The following KLHL5 variants were observed in gnomAD, a reference collection of about 807,000 sequenced individuals.
KLHL5 encodes the protein kelch like family member 5.
A neutral mutation model predicts 77.7 loss-of-function variants in KLHL5; 48 were observed. That is an observed-to-expected ratio of 0.62 (90% CI 0.49 to 0.79). The LOEUF is 0.79. KLHL5 is among the 30% of genes least tolerant of loss of function. The pLI is 0.00. For missense variants in KLHL5, 723 were observed against 859.7 expected, an observed-to-expected ratio of 0.84 and a Z score of 1.99; for synonymous variants, 260 against 297.0, an observed-to-expected ratio of 0.88 and a Z score of 1.28.
rs1723187106 is a variant in KLHL5 at position 39,121,159 on chromosome 4, A to T, written c.*93A>T. Reference sequence around the variant, plus strand: ...ATGGATACATTTTTAGTAAATGTGCATTGTCACAATCCTGGGCACAAAGTG... The same window carrying T: ...ATGGATACATTTTTAGTAAATGTGCTTTGTCACAATCCTGGGCACAAAGTG... On this transcript the variant is annotated 3_prime_UTR_variant, in exon 11 of 11. Coordinates refer to ENST00000504108, the MANE Select transcript of KLHL5 (RefSeq NM_015990.5). The T allele has an allele frequency of 1.0e-6, 1 of 987,796 alleles. No homozygotes were observed. The highest frequency in any genetic ancestry group is 1.6e-6 in the Non-Finnish European group (1 of 629,034). The allele number at this position is 987,796 out of a possible 1,614,324, so 61.2% of individuals were successfully genotyped here. A position where few individuals can be genotyped will look rare whatever the true frequency, so the allele number is the denominator to read the frequency against.
At position 39,062,908 on chromosome 4, in the gene KLHL5, T is replaced by A; in HGVS notation, c.256T>A (p.Ser86Thr). The A allele has an allele frequency of 6.2e-7, 1 of 1,614,188 alleles. No individual in the cohort carries two copies. Among genetic ancestry groups the A allele is most frequent in the Non-Finnish European group, 8.5e-7 (1 of 1,180,012 alleles). The change falls in exon 1 of 11, where the codon TCC becomes ACC. Residue 86 changes from serine to threonine, a missense_variant. Ser to Thr is a moderately conservative substitution (Grantham distance 58, BLOSUM62 1). Around this residue, in one of 3 missense-constraint regions of KLHL5, gnomAD observed 221 missense variants for 222.1 expected, o/e 1.00. Coordinates refer to ENST00000504108, the MANE Select transcript of KLHL5 (RefSeq NM_015990.5). ...GAATTCACCTTCTTGGCCAATGGCATCCACCTCTGAAGTCCCTGCATTTGA... is the reference window on the plus strand; with the variant it reads ...GAATTCACCTTCTTGGCCAATGGCAACCACCTCTGAAGTCCCTGCATTTGA... ...FQNSPSWPMA[S>T]TSEVPAFEFT...
chr4:39,101,651 C>T (rs750700611), intron 6 of KLHL5, among the ~76,000 whole-genome samples: 1 of 151,802 alleles, frequency 6.6e-6, no homozygotes, highest in Non-Finnish European at 1.5e-5. Context: ...AGTTCGAGAC[C>T]AGCCTGGCCA....
intron 1 of KLHL5, among the ~76,000 whole-genome samples, chr4:39,056,490 A>G (rs779982929): frequency 6.6e-6 from 1 of 152,256 alleles, no homozygotes. Context: ...AAGATTTAAC[A>G]TGGTGCTAGA....
At chr4:39,057,818 A>T (rs1408110888), upstream of KLHL5, among the ~76,000 whole-genome samples, 1 of 152,122 alleles carries the variant, frequency 6.6e-6, no homozygotes, top group African/African-American at 2.4e-5. Context: ...TATCTAAAAA[A>T]CTCTATGTGA....
At chr4:39,069,196 T>C (rs765076736) in intron 1 of KLHL5, among the ~76,000 whole-genome samples, 29 of 152,056 alleles carry the variant, frequency 1.9e-4, no homozygotes, top group Non-Finnish European at 3.4e-4. Context: ...GTTGCACATA[T>C]CAGTTCTGCA....
At chr4:39,118,018 G>A (rs1404081134) in intron 10 of KLHL5, among the ~76,000 whole-genome samples, 2 of 149,092 alleles carry the variant, frequency 1.3e-5, no homozygotes, top group East Asian at 3.9e-4. Context: ...CCAAGATCGT[G>A]CCACTGCACT....
At chr4:39,060,136 C>G (rs936756716), upstream of KLHL5, among the ~76,000 whole-genome samples, 16 of 151,994 alleles carry the variant, frequency 1.1e-4, no homozygotes, top group Non-Finnish European at 2.1e-4. Context: ...ATTTATATTT[C>G]CATGTATATA....
At chr4:39,090,073 TGAAGTA>T (rs1044522667) in intron 5 of KLHL5, among the ~76,000 whole-genome samples, 58 of 152,338 alleles carry the variant, frequency 3.8e-4, no homozygotes, top group Admixed American at 1.5e-3. Flanking sequence ...AATAAAGTTT[TGAAGTA>T]GACACTAAAA....
intron 1 of KLHL5, among the ~76,000 whole-genome samples, chr4:39,073,600 A>T (rs1413874590): frequency 6.6e-6 from 1 of 151,926 alleles, no homozygotes; most frequent in Non-Finnish European, 1.5e-5. Context: ...ACAGTATAAA[A>T]CTTTATCAAA....
At chr4:39,055,858 G>A (rs567493009) in intron 1 of KLHL5, among the ~76,000 whole-genome samples, 3 of 152,254 alleles carry the variant, frequency 2.0e-5, no homozygotes, top group South Asian at 2.1e-4. Flanking sequence ...AAGGGACATA[G>A]TTTAGTTTAA....
At chr4:39,045,149 C>T in intron 1 of KLHL5, 1 of 984,204 alleles carries the variant, frequency 1.0e-6, no homozygotes, top group Non-Finnish European at 1.2e-6. Context: ...CGGGCAGGGC[C>T]CGCTTCCCGC....
chr4:39,121,568 C>T lies in KLHL5; in HGVS notation c.*502C>T, dbSNP rs1368372796. 1 of 153,092 alleles carries T rather than the reference C, an allele frequency of 6.5e-6. No homozygotes were observed. The highest frequency in any genetic ancestry group is 1.5e-5 in the Non-Finnish European group (1 of 68,486). 9.5% of individuals were successfully genotyped at this position (153,092 alleles called of 1,614,324 possible). On this transcript the variant is annotated 3_prime_UTR_variant, in exon 11 of 11. Transcript: ENST00000504108. ...CACTATTTAGTTTTTTCAGAAACAT[C>T]TGCATTATATGTGTGTTGGTTGTGG...
intron 10 of KLHL5, chr4:39,115,938 G>T: frequency 1.0e-6 from 1 of 988,588 alleles, no homozygotes; most frequent in Non-Finnish European, 1.2e-6. Context: ...ATTTGTGCTT[G>T]TGTCACCCAG....
chr4:39,120,983 C>T (rs1266189623), intron 10 of KLHL5, 27 bp from the exon 11 acceptor site: 3 of 1,577,412 alleles, frequency 1.9e-6, no homozygotes, highest in East Asian at 2.2e-5. Context: ...CCTACAGATC[C>T]AATACATATC....
intron 1 of KLHL5, among the ~76,000 whole-genome samples, chr4:39,045,797 A>G (rs746995785): frequency 6.6e-6 from 1 of 152,030 alleles, no homozygotes; most frequent in Admixed American, 6.6e-5. Flanking sequence ...CAAAAGGTAC[A>G]AAAGGGGCAG....
chr4:39,096,847 A>G lies in KLHL5; in HGVS notation c.1269A>G (p.Leu423=). 6.2e-7 allele frequency: 1 copy of G among 1,613,902 alleles called. No homozygotes were observed. The highest frequency in any genetic ancestry group is 8.5e-7 in the Non-Finnish European group (1 of 1,179,824). The change falls in exon 6 of 11, where the codon TTA becomes TTG. Residue 423 remains leucine (L), a synonymous_variant. Coordinates refer to ENST00000504108, the MANE Select transcript of KLHL5 (RefSeq NM_015990.5). The part of the protein sequence containing the change: ...TKPRKSTVGT[L]FAVGGMDSTK... ...CTAGGAAGTCAACTGTTGGTACATT[A>G]TTTGCAGTTGGGGGAATGGATTCAA...
intron 8 of KLHL5, among the ~76,000 whole-genome samples, chr4:39,112,308 T>A (rs1312969258): frequency 6.6e-6 from 1 of 152,250 alleles, no homozygotes; most frequent in Non-Finnish European, 1.5e-5. Flanking sequence ...TAATTTAAAT[T>A]AATGAAGGAT....
chr4:39,069,210 A>G (rs1167633429), intron 1 of KLHL5, among the ~76,000 whole-genome samples: 2 of 152,052 alleles, frequency 1.3e-5, no homozygotes, highest in African/African-American at 4.8e-5. Context: ...TTCTGCACAT[A>G]TTCATTGGTC....
intron 5 of KLHL5, 70 bp downstream of exon 5, chr4:39,086,797 T>C (rs1720081666): frequency 1.7e-6 from 2 of 1,155,836 alleles, no homozygotes; most frequent in Non-Finnish European, 2.6e-6. Flanking sequence ...ATTGTACATG[T>C]ATTCCTATGA....
Sources: allele counts gnomAD v4.1 joint callset (sites outside exome capture counted in the v4.1 genomes callset), GRCh38; gene constraint gnomAD v4.1.1; regional missense constraint gnomAD v4.1.1; transcripts MANE v1.5; gene names NCBI Gene and HGNC (gene_info 2026-07-23, HGNC 2026-07-21).